GPR19: variants seen among roughly 807,000 people sequenced by gnomAD.
GPR19 encodes the protein G protein-coupled receptor 19.
A neutral mutation model predicts 28.5 loss-of-function variants in GPR19; 14 were observed. The observed-to-expected ratio is 0.49, with a 90% CI of 0.32 to 0.77. The LOEUF (loss-of-function observed/expected upper bound fraction) is 0.77, where lower values mean the gene tolerates loss of function less well. Among genes scored for constraint, GPR19 ranks in the 30% least tolerant of loss-of-function variants. GPR19 has a pLI of 0.03. For missense variants in GPR19, 409 were observed against 504.1 expected, an observed-to-expected ratio of 0.81 and a Z score of 1.81; for synonymous variants, 173 against 184.1, an observed-to-expected ratio of 0.94 and a Z score of 0.49.
upstream of GPR19, chr12:12,696,250 G>A (rs141747769): frequency 6.6e-6 from 1 of 152,086 alleles, no homozygotes; most frequent in East Asian, 1.9e-4. Flanking sequence ...GCACTCCCGG[G>A]GTGGCGCTTC....
At chr12:12,685,134 C>A (rs145398263) in intron 2 of GPR19, 1 of 152,174 alleles carries the variant, frequency 6.6e-6, no homozygotes, top group Non-Finnish European at 1.5e-5. Flanking sequence ...GCTCTGACTT[C>A]CCCTACTATC....
At chr12:12,678,778 C>G (rs571173064) in intron 3 of GPR19, among the ~76,000 whole-genome samples, 30 of 152,180 alleles carry the variant, frequency 2.0e-4, no homozygotes, top group Non-Finnish European at 4.0e-4. Context: ...ATGGCAAAAA[C>G]TGCAATTACT....
At chr12:12,713,619 G>A in the GPR19 span, among the ~76,000 whole-genome samples, 24 of 152,134 alleles carry the variant, frequency 1.6e-4, no homozygotes, top group Non-Finnish European at 2.2e-4. Flanking sequence ...TGCAACCTCC[G>A]CCTCCTGTGT....
intron 3 of GPR19, among the ~76,000 whole-genome samples, chr12:12,670,152 G>A (rs1353304188): frequency 2.0e-5 from 3 of 152,164 alleles, no homozygotes; most frequent in Non-Finnish European, 4.4e-5. Context: ...TTACAATGTC[G>A]ACTCAGATGA....
chr12:12,663,589 G>T (rs753221650), intron 3 of GPR19, among the ~76,000 whole-genome samples: 1 of 152,094 alleles, frequency 6.6e-6, no homozygotes, highest in Non-Finnish European at 1.5e-5. Flanking sequence ...TAGGCAAAAA[G>T]ATTAAATAGT....
the GPR19 span, among the ~76,000 whole-genome samples, chr12:12,708,154 C>T: frequency 2.0e-5 from 3 of 151,874 alleles, no homozygotes; most frequent in Non-Finnish European, 4.4e-5. Context: ...CATGTGCCAC[C>T]ATGCCCAGCT....
upstream of GPR19, among the ~76,000 whole-genome samples, chr12:12,700,013 A>G (rs1946308670): frequency 7.0e-6 from 1 of 142,406 alleles, no homozygotes; most frequent in Non-Finnish European, 1.5e-5. Flanking sequence ...GGGTCTCCTC[A>G]TGTTGCTCCT....
At chr12:12,691,426 G>A (rs1946179762) in intron 2 of GPR19, among the ~76,000 whole-genome samples, 2 of 152,030 alleles carry the variant, frequency 1.3e-5, no homozygotes, top group Admixed American at 1.3e-4. Flanking sequence ...TTGCCTCCGT[G>A]GCTTAGACTT....
At chr12:12,710,168 A>G in the GPR19 span, among the ~76,000 whole-genome samples, 1 of 152,142 alleles carries the variant, frequency 6.6e-6, no homozygotes, top group South Asian at 2.1e-4. Flanking sequence ...CCTGGCTAAC[A>G]TGGTGAAACC....
rs547738249 is a variant in GPR19 at position 12,667,772 on chromosome 12, G to A, written c.-22-5302C>T. Among the ~76,000 whole-genome samples the A allele has an allele frequency of 9.2e-5, 14 of 151,548 alleles. No homozygotes were observed. In the South Asian group the frequency reaches 2.9e-3, roughly 32 times the overall value. On this transcript the variant is annotated intron_variant, in intron 3 of 3. Transcript: ENST00000651487. ...ATCCTGGGGCACCTGGGAGGAGAATGTACCCTATCACTTTGCTTTGTAATT... is the reference window on the plus strand; with the variant it reads ...ATCCTGGGGCACCTGGGAGGAGAATATACCCTATCACTTTGCTTTGTAATT...
chr12:12,681,352 C>G (rs141975322), intron 3 of GPR19, among the ~76,000 whole-genome samples: 1 of 152,310 alleles, frequency 6.6e-6, no homozygotes, highest in South Asian at 2.1e-4. Flanking sequence ...TTTACCCATG[C>G]TCATTGTCCC....
chr12:12,672,793 T>C (rs1314420081), intron 3 of GPR19, among the ~76,000 whole-genome samples: 2 of 152,156 alleles, frequency 1.3e-5, no homozygotes, highest in African/African-American at 2.4e-5. Flanking sequence ...CATTTTGTTA[T>C]GATGGCATAT....
intron 2 of GPR19, among the ~76,000 whole-genome samples, chr12:12,694,345 C>T (rs370742875): frequency 3.0e-4 from 45 of 150,922 alleles, no homozygotes; most frequent in African/African-American, 1.1e-3. Flanking sequence ...TCTACAGGTG[C>T]CCACCACCAC....
the GPR19 span, among the ~76,000 whole-genome samples, chr12:12,713,896 C>T: frequency 3.3e-5 from 5 of 152,322 alleles, no homozygotes; most frequent in Admixed American, 6.5e-5. Flanking sequence ...CCTTGAAACA[C>T]TTCCTTTTCC....
chr12:12,711,043 C>A, the GPR19 span, among the ~76,000 whole-genome samples: 1 of 152,122 alleles, frequency 6.6e-6, no homozygotes, highest in African/African-American at 2.4e-5. Flanking sequence ...GTAGCTCATG[C>A]CTGTAATCCC....
upstream of GPR19, among the ~76,000 whole-genome samples, chr12:12,697,273 G>C (rs556448748): frequency 6.6e-6 from 1 of 151,064 alleles, no homozygotes; most frequent in South Asian, 2.1e-4. Flanking sequence ...GGTTTGAAGA[G>C]CTCTTCAAAG....
At chr12:12,711,471 A>G in the GPR19 span, among the ~76,000 whole-genome samples, 1 of 152,010 alleles carries the variant, frequency 6.6e-6, no homozygotes, top group African/African-American at 2.4e-5. Context: ...AGGGGGTCAC[A>G]TGACAGGTTC....
chr12:12,682,119 G>A (rs1192304887), intron 3 of GPR19, among the ~76,000 whole-genome samples: 1 of 152,230 alleles, frequency 6.6e-6, no homozygotes, highest in Non-Finnish European at 1.5e-5. Flanking sequence ...TCAACGCTGG[G>A]AGATGGAACC....
the GPR19 span, among the ~76,000 whole-genome samples, chr12:12,708,680 G>A: frequency 1.3e-5 from 2 of 152,228 alleles, no homozygotes; most frequent in Non-Finnish European, 2.9e-5. Context: ...ATCTGCAAGA[G>A]TGGATAATAG....
Sources: allele counts gnomAD v4.1 joint callset (sites outside exome capture counted in the v4.1 genomes callset), GRCh38; gene constraint gnomAD v4.1.1; transcripts MANE v1.5; gene names NCBI Gene and HGNC (gene_info 2026-07-23, HGNC 2026-07-21).